Variants in RNLS observed in about 807,000 individuals in gnomAD.
The protein encoded by RNLS is renalase.
RNLS carries 39 observed loss-of-function variants against 39.8 expected under a neutral mutation model. The observed-to-expected ratio is 0.98, with a 90% confidence interval of 0.76 to 1.28. RNLS has a LOEUF of 1.28. Among genes scored for constraint, RNLS ranks in the 50% most tolerant of loss-of-function variants. The pLI, the probability that RNLS is intolerant of heterozygous loss-of-function variation, is 0.00. For missense variants in RNLS, 410 were observed against 413.3 expected, an observed-to-expected ratio of 0.99 and a Z score of 0.07; for synonymous variants, 147 against 150.7, an observed-to-expected ratio of 0.98 and a Z score of 0.18.
intron 4 of RNLS, among the ~76,000 whole-genome samples, chr10:88,528,613 A>G (rs1042320222): frequency 2.0e-5 from 3 of 152,012 alleles, no homozygotes; most frequent in South Asian, 4.2e-4. Flanking sequence ...TGGGAGGCCG[A>G]GGCGGGCGGA....
intron 5 of RNLS, among the ~76,000 whole-genome samples, chr10:88,326,687 A>G (rs1564697146): frequency 6.6e-6 from 1 of 152,216 alleles, no homozygotes; most frequent in East Asian, 1.9e-4. Flanking sequence ...GAGAAACTCA[A>G]GCTAGCTGGA....
chr10:88,485,642 CAAAA>C (rs11366047), intron 4 of RNLS, among the ~76,000 whole-genome samples: 2 of 104,854 alleles, frequency 1.9e-5, no homozygotes. Context: ...AATGAAAAAC[CAAAA>C]AAAAAAAAAA....
At chr10:88,379,815 A>G (rs112350576) in intron 4 of RNLS, among the ~76,000 whole-genome samples, 1 of 152,280 alleles carries the variant, frequency 6.6e-6, no homozygotes, top group African/African-American at 2.4e-5. Context: ...GTTGTGAAGA[A>G]TCTCAGGACA....
chr10:88,387,792 G>C (rs1292427394), intron 4 of RNLS, among the ~76,000 whole-genome samples: 1 of 152,176 alleles, frequency 6.6e-6, no homozygotes, highest in African/African-American at 2.4e-5. Flanking sequence ...TGTCCTGTAG[G>C]ACAGAGGGAA....
At chr10:88,342,681 C>G (rs1396610244) in intron 5 of RNLS, among the ~76,000 whole-genome samples, 1 of 151,886 alleles carries the variant, frequency 6.6e-6, no homozygotes, top group African/African-American at 2.4e-5. Flanking sequence ...ATAGAGAAAC[C>G]ATTTTAATTA....
At chr10:88,478,821 C>A (rs1359518669) in intron 4 of RNLS, among the ~76,000 whole-genome samples, 1 of 152,068 alleles carries the variant, frequency 6.6e-6, no homozygotes, top group African/African-American at 2.4e-5. Flanking sequence ...CTTCACATAG[C>A]CTTAACTAAT....
chr10:88,541,338 C>A (rs1848032091), intron 4 of RNLS, among the ~76,000 whole-genome samples: 1 of 152,166 alleles, frequency 6.6e-6, no homozygotes, highest in Non-Finnish European at 1.5e-5. Context: ...TCATTTACTT[C>A]ATGTTGATTT....
At chr10:88,284,067 C>T (rs7069968), downstream of RNLS, 545,890 of 875,330 alleles carry the variant, frequency 0.62, 170,967 homozygotes, top group Admixed American at 0.63. Flanking sequence ...CTTCTTCCTC[C>T]CTCTGCTTTC....
intron 4 of RNLS, among the ~76,000 whole-genome samples, chr10:88,554,437 G>A (rs1848752045): frequency 6.6e-6 from 1 of 151,752 alleles, no homozygotes; most frequent in Admixed American, 6.6e-5. Flanking sequence ...TTAAACTTAT[G>A]ATCACTAATT....
At chr10:88,491,373 T>A (rs1164592308) in intron 4 of RNLS, among the ~76,000 whole-genome samples, 1 of 152,168 alleles carries the variant, frequency 6.6e-6, no homozygotes, top group African/African-American at 2.4e-5. Context: ...TGGACCTGGT[T>A]CATTGCCCGT....
In RNLS at chr10:88,297,979, CCTCT is replaced by C. The variant is rs377558739; in HGVS notation, c.877-12477_877-12474del. 4.4e-3 allele frequency among the ~76,000 whole-genome samples: 664 copies of C among 152,254 alleles called. 4 individuals are homozygous for C. Among genetic ancestry groups the C allele is most frequent in the Non-Finnish European group, 5.5e-3 (374 of 68,000 alleles). On this transcript the variant is annotated intron_variant, in intron 6 of 6. Transcript: ENST00000331772. ...GTACAAGTGTTCCATTTCTTCACAT[CCTCT>C]CTAACACTTATTATTCTGTATCTTG...
the RNLS span, among the ~76,000 whole-genome samples, chr10:88,246,582 A>T: frequency 6.6e-6 from 1 of 151,764 alleles, no homozygotes. Flanking sequence ...TGTGTAATGT[A>T]GGTAATATAA....
chr10:88,189,809 G>C, the RNLS span, among the ~76,000 whole-genome samples: 1 of 152,200 alleles, frequency 6.6e-6, no homozygotes, highest in Non-Finnish European at 1.5e-5. Context: ...GCGAAGCACT[G>C]GGGGATGAAA....
chr10:88,553,148 T>C (rs1284937099), intron 4 of RNLS, among the ~76,000 whole-genome samples: 2 of 152,190 alleles, frequency 1.3e-5, no homozygotes, highest in Admixed American at 6.6e-5. Flanking sequence ...TCTTAAGCAA[T>C]GGATGGAGTT....
the RNLS span, among the ~76,000 whole-genome samples, chr10:88,266,735 A>ACCCC: frequency 1.5e-5 from 2 of 137,278 alleles, no homozygotes; most frequent in African/African-American, 2.7e-5. Context: ...ACACACACAC[A>ACCCC]CCCCACACAC....
intron 6 of RNLS, among the ~76,000 whole-genome samples, chr10:88,304,692 G>A (rs1024535932): frequency 6.6e-6 from 1 of 152,160 alleles, no homozygotes; most frequent in African/African-American, 2.4e-5. Flanking sequence ...ATGGGATTAT[G>A]TAAAGAGACC....
chr10:88,343,689 A>G (rs1848118768), intron 5 of RNLS: 8 of 985,264 alleles, frequency 8.1e-6, no homozygotes, highest in Admixed American at 1.2e-4. Flanking sequence ...GAGACTGCAT[A>G]TATTTCAGGA....
chr10:88,353,578 G>A (rs1231604394), intron 5 of RNLS, among the ~76,000 whole-genome samples: 1 of 152,210 alleles, frequency 6.6e-6, no homozygotes, highest in Non-Finnish European at 1.5e-5. Flanking sequence ...CTCAGAGACA[G>A]TTTGTTATAA....
At position 88,336,935 on chromosome 10, in the gene RNLS, G is replaced by C. The variant is rs185052594; in HGVS notation, c.701-22294C>G. ...TAGATAAGACTTTATAATAGACTAA[G>C]CGATCAGTGGAAATGGCTGACTTAG... is the stretch of plus-strand genomic sequence containing the variant. On this transcript the variant is annotated intron_variant, in intron 5 of 6. Coordinates refer to ENST00000331772, the MANE Select transcript of RNLS (RefSeq NM_001031709.3). 1.7e-3 allele frequency among the ~76,000 whole-genome samples: 264 copies of C among 152,144 alleles called. 1 individual carries two copies. The highest frequency in any genetic ancestry group is 6.1e-3 in the African/African-American group (253 of 41,534).
Sources: gnomAD v4.1 joint callset for allele counts (sites outside exome capture counted in the v4.1 genomes callset) on GRCh38, gnomAD v4.1.1 for gene constraint, MANE v1.5 for transcripts, NCBI Gene and HGNC (gene_info 2026-07-23, HGNC 2026-07-21) for gene names.